The following RNF38 variants were observed in gnomAD, a reference collection of about 807,000 sequenced individuals.
RNF38 encodes the protein E3 ubiquitin-protein ligase RNF38.
A neutral mutation model predicts 67.2 loss-of-function variants in RNF38; 15 were observed. The observed-to-expected ratio is 0.22, with a 90% CI of 0.15 to 0.34. RNF38 has a LOEUF of 0.34. Ranked by LOEUF, RNF38 falls within the 10% of genes least tolerant of loss-of-function variation. RNF38 has a pLI of 1.00. For missense variants in RNF38, 524 were observed against 639.9 expected, an observed-to-expected ratio of 0.82 and a Z score of 1.95; for synonymous variants, 220 against 218.8, an observed-to-expected ratio of 1.01 and a Z score of -0.05.
intron 1 of RNF38, among the ~76,000 whole-genome samples, chr9:36,431,666 A>G (rs1444852498): frequency 6.6e-6 from 1 of 152,188 alleles, no homozygotes; most frequent in African/African-American, 2.4e-5. Flanking sequence ...CCAACCCAGA[A>G]GCTCTCCAAA....
At chr9:36,405,267 T>TG (rs1838149316), upstream of RNF38, among the ~76,000 whole-genome samples, 1 of 86,258 alleles carries the variant, frequency 1.2e-5, no homozygotes, top group Non-Finnish European at 2.6e-5. Context: ...ACTCTGTCTC[T>TG]TAAAAAAAAA....
At chr9:36,385,542 A>C (rs1235795040) in intron 2 of RNF38, among the ~76,000 whole-genome samples, 1 of 151,814 alleles carries the variant, frequency 6.6e-6, no homozygotes, top group African/African-American at 2.4e-5. Flanking sequence ...CCACATCCGG[A>C]TAATTTTTGT....
intron 3 of RNF38, among the ~76,000 whole-genome samples, chr9:36,375,313 C>CA (rs1167544413): frequency 1.3e-5 from 2 of 152,178 alleles, no homozygotes; most frequent in Non-Finnish European, 1.5e-5. Context: ...CCTCCTGTCT[C>CA]AGTTTCATCT....
chr9:36,375,074 A>C lies in RNF38; in HGVS notation c.356+860T>G, dbSNP rs1160754728. 2.0e-4 allele frequency among the ~76,000 whole-genome samples: 31 copies of C among 152,228 alleles called. 2 individuals are homozygous for C. The highest frequency in any genetic ancestry group is 6.2e-4 in the South Asian group (3 of 4,834). The stretch of plus-strand genomic sequence containing the variant: ...ACATGACCTCTGGCAACAAATAATG[A>C]GGAAGAAACTCAGGAAGAAATGCAC... On this transcript the variant is annotated intron_variant, in intron 3 of 11. Transcript: ENST00000259605.
intron 2 of RNF38, among the ~76,000 whole-genome samples, chr9:36,382,020 G>GA (rs1276015578): frequency 4.6e-5 from 7 of 152,232 alleles, no homozygotes; most frequent in Non-Finnish European, 1.0e-4. Flanking sequence ...AGAAAGTCTG[G>GA]ACCAGAGGTC....
At chr9:36,482,502 G>A (rs13298953) in intron 1 of RNF38, among the ~76,000 whole-genome samples, 2 of 151,360 alleles carry the variant, frequency 1.3e-5, no homozygotes, top group African/African-American at 2.4e-5. Context: ...ACAGGCATGC[G>A]CCACCATGCC....
At chr9:36,390,967 A>T (rs1837036049) in intron 1 of RNF38, among the ~76,000 whole-genome samples, 1 of 152,358 alleles carries the variant, frequency 6.6e-6, no homozygotes, top group East Asian at 1.9e-4. Context: ...TACATATCTT[A>T]AGTACAGAAA....
At chr9:36,451,870 T>C (rs1299053653) in intron 1 of RNF38, among the ~76,000 whole-genome samples, 1 of 152,028 alleles carries the variant, frequency 6.6e-6, no homozygotes, top group African/African-American at 2.4e-5. Context: ...TGTGAATCAC[T>C]TACAAAGTAT....
intron 1 of RNF38, among the ~76,000 whole-genome samples, chr9:36,434,236 G>A (rs1377336919): frequency 2.3e-5 from 3 of 132,402 alleles, no homozygotes; most frequent in Non-Finnish European, 4.8e-5. Context: ...CTCTGCCTGA[G>A]AAAGGGGAAG....
At chr9:36,351,619 A>G (rs1833690704) in intron 8 of RNF38, among the ~76,000 whole-genome samples, 1 of 152,252 alleles carries the variant, frequency 6.6e-6, no homozygotes, top group African/African-American at 2.4e-5. Context: ...ATTAAGATAG[A>G]AAGATAAATA....
rs559768516 is a variant in RNF38, at chr9:36,369,902, C to A, written c.387G>T (p.Arg129Ser). The A allele has an allele frequency of 6.2e-7, 1 of 1,613,034 alleles. No homozygotes were observed. The highest frequency in any genetic ancestry group is 1.1e-5 in the South Asian group (1 of 91,034). ...SPPVRRQRGR[R>S]DRLSRHNSIS... ...TGGAATTATGTCGAGACAGACGATCCCTTCTTCCTCTCTGGCGCCTGACAG... is the reference window on the plus strand; with the variant it reads ...TGGAATTATGTCGAGACAGACGATCACTTCTTCCTCTCTGGCGCCTGACAG... Residue 129 changes from arginine to serine, a missense_variant, in exon 4 of 12, where the codon AGG becomes AGT. By Grantham distance (110) the Arg-to-Ser change is moderately radical. This residue lies in a region of RNF38 where 461 missense variants were observed against 517.4 expected (regional missense o/e 0.89). Coordinates refer to ENST00000259605, the MANE Select transcript of RNF38 (RefSeq NM_022781.5).
rs150909747 is a variant in RNF38 at position 36,458,378 on chromosome 9, C to T, written n.241+28930G>A. Among the ~76,000 whole-genome samples the T allele has an allele frequency of 8.5e-5, 13 of 152,288 alleles. No homozygotes were observed. In the East Asian group the frequency reaches 2.5e-3, roughly 29 times the overall value. On this transcript the variant is annotated intron_variant and non_coding_transcript_variant, in intron 1 of 3. Transcript: ENST00000488058. ...TGGCCACCCGAGCCAGCAGCAGCAA[C>T]CCGCCTGGGTCCCCTTCCACGCTGT...
Position 36,361,745 on chromosome 9 carries a change from C to T in RNF38, c.571-3803G>A, listed in dbSNP as rs143251168. On this transcript the variant is annotated intron_variant, in intron 4 of 11. Coordinates refer to ENST00000259605, the MANE Select transcript of RNF38 (RefSeq NM_022781.5). ...GCCATCAAGGGAGTTGGTGATGCAG[C>T]GTTTCTTAAAACTATCCATAAAAGA... Among the ~76,000 whole-genome samples the T allele has an allele frequency of 5.3e-4, 80 of 152,244 alleles. 1 individual carries two copies. The East Asian group carries it at 8.9e-3, about 17-fold the overall frequency.
intron 1 of RNF38, among the ~76,000 whole-genome samples, chr9:36,441,631 T>C (rs1274492185): frequency 6.6e-6 from 1 of 152,120 alleles, no homozygotes; most frequent in Non-Finnish European, 1.5e-5. Context: ...CCCAAATCTT[T>C]TAAAATACTG....
intron 1 of RNF38, among the ~76,000 whole-genome samples, chr9:36,454,553 T>A (rs982670870): frequency 6.7e-6 from 1 of 148,502 alleles, no homozygotes; most frequent in African/African-American, 2.5e-5. Flanking sequence ...TTATGCCTAA[T>A]AAAAATATCA....
Position 36,357,709 on chromosome 9 carries a change from A to C in RNF38, c.738+66T>G, listed in dbSNP as rs568416630. The stretch of plus-strand genomic sequence containing the variant: ...TAAAGAGGGTAAGAGTCGGGAAGTT[A>C]CAAAACCAAATTCAGGCTGGTGTGC... On this transcript the variant is annotated intron_variant, in intron 5 of 11. Coordinates refer to ENST00000259605, the MANE Select transcript of RNF38 (RefSeq NM_022781.5). 53 of 1,419,178 alleles carry C rather than the reference A, an allele frequency of 3.7e-5. No homozygotes were observed. In the African/African-American group the frequency reaches 7.0e-4, roughly 19 times the overall value. 87.9% of individuals were successfully genotyped at this position (1,419,178 alleles called of 1,614,324 possible).
In RNF38 at chr9:36,441,557, T is replaced by A. The variant is rs538731938; in HGVS notation, n.242-16874A>T. Among the ~76,000 whole-genome samples, 155 of 152,220 alleles carry A rather than the reference T, an allele frequency of 1.0e-3. 1 individual carries two copies. The highest frequency in any genetic ancestry group is 3.6e-3 in the African/African-American group (149 of 41,536). On this transcript the variant is annotated intron_variant and non_coding_transcript_variant, in intron 1 of 3. Transcript: ENST00000488058. The stretch of plus-strand genomic sequence containing the variant: ...CTGGGCTGGTCTTGAACTCCTGACC[T>A]CGTGATCCACCCAGCTCGGCCTCCC...
chr9:36,413,537 T>A (rs920744845), intron 2 of RNF38, among the ~76,000 whole-genome samples: 1 of 152,202 alleles, frequency 6.6e-6, no homozygotes, highest in African/African-American at 2.4e-5. Context: ...ATAGGCAAAT[T>A]CATATACAGA....
Position 36,407,902 on chromosome 9 carries a change from A to T in RNF38, n.312+16711T>A, listed in dbSNP as rs546409221. 2.0e-5 allele frequency among the ~76,000 whole-genome samples: 3 copies of T among 152,282 alleles called. No individual in the cohort carries two copies. In the East Asian group the frequency reaches 5.8e-4, roughly 29 times the overall value. On this transcript the variant is annotated intron_variant and non_coding_transcript_variant, in intron 2 of 3. Coordinates refer to the RNF38 transcript ENST00000488058. The stretch of plus-strand genomic sequence containing the variant: ...GAGGAACCATCTCTGTATTTTTTTT[A>T]AATCCTGTATTACATTTAGGTTGTT...
Sources: gnomAD v4.1 joint callset for allele counts (sites outside exome capture counted in the v4.1 genomes callset) on GRCh38, gnomAD v4.1.1 for gene constraint, gnomAD v4.1.1 regional missense constraint, MANE v1.5 for transcripts, NCBI Gene and HGNC (gene_info 2026-07-23, HGNC 2026-07-21) for gene names.